TFDP2: variants seen among roughly 807,000 people sequenced by gnomAD.
TFDP2 encodes transcription factor Dp-2, also known as transcription factor Dp-2 (E2F dimerization partner 2).
In TFDP2, 17 loss-of-function variants were observed where a neutral mutation model predicts 59.3. The ratio of observed to expected loss-of-function variants is 0.29; its 90% CI spans 0.20 to 0.43. The LOEUF is 0.43. Among genes scored for constraint, TFDP2 ranks in the 20% least tolerant of loss-of-function variants. The pLI, the probability that TFDP2 is intolerant of heterozygous loss-of-function variation, is 1.00. For synonymous variants in TFDP2, 180 were observed against 194.7 expected (o/e 0.92, Z 0.63); for missense variants, 391 against 528.8 (o/e 0.74, Z 2.56).
chr3:142,118,395 C>T (rs1162499133), intron 1 of TFDP2, among the ~76,000 whole-genome samples: 2 of 152,046 alleles, frequency 1.3e-5, no homozygotes, highest in African/African-American at 4.8e-5. Flanking sequence ...AAAAACAAAC[C>T]GTGAGGTTGA....
At chr3:142,058,671 A>C (rs1038297729) in intron 3 of TFDP2, among the ~76,000 whole-genome samples, 1 of 152,200 alleles carries the variant, frequency 6.6e-6, no homozygotes, top group Admixed American at 6.5e-5. Context: ...CAAATCGAAG[A>C]GAAACGTAAG....
chr3:142,115,871 T>C (rs1403358976), intron 1 of TFDP2, among the ~76,000 whole-genome samples: 1 of 152,162 alleles, frequency 6.6e-6, no homozygotes, highest in African/African-American at 2.4e-5. Flanking sequence ...CACAGAACTA[T>C]ACACAAAGAC....
Position 142,147,035 on chromosome 3 carries a change from A to G in TFDP2, c.-93+2148T>C, listed in dbSNP as rs1046097389. 6.0e-5 allele frequency among the ~76,000 whole-genome samples: 9 copies of G among 148,822 alleles called. No homozygotes were observed. The Admixed American group carries it at 6.1e-4, about 10-fold the overall frequency. On this transcript the variant is annotated intron_variant, in intron 1 of 12. Transcript: ENST00000489671. The stretch of plus-strand genomic sequence containing the variant: ...AGCCCAGGAGTTCCAGACAAGCCTG[A>G]GCAACATAGAGAAACCCTGTCTCAA...
Position 141,949,328 on chromosome 3 carries a change from T to G in TFDP2, c.*3185A>C, listed in dbSNP as rs1935647539. 1 of 152,216 alleles carries G rather than the reference T, an allele frequency of 6.6e-6. No individual in the cohort carries two copies. The highest frequency in any genetic ancestry group is 2.1e-4 in the South Asian group (1 of 4,838). 9.4% of individuals were successfully genotyped at this position (152,216 alleles called of 1,614,324 possible). A position where few individuals can be genotyped will look rare whatever the true frequency, so the allele number is the denominator to read the frequency against. ...ACTTGTGGCCATTGTCTGTAGTTTCTCGGGCGGTGGGTGTCGCTGAGGGGT... is the reference window on the plus strand; with the variant it reads ...ACTTGTGGCCATTGTCTGTAGTTTCGCGGGCGGTGGGTGTCGCTGAGGGGT... On this transcript the variant is annotated 3_prime_UTR_variant, in exon 13 of 13. Coordinates refer to ENST00000489671, the MANE Select transcript of TFDP2 (RefSeq NM_001178139.2).
rs942913081 is a variant in TFDP2, at chr3:142,101,813, C to A, written c.-64G>T. The A allele has an allele frequency of 5.1e-6, 5 of 979,336 alleles. No individual in the cohort carries two copies. The highest frequency in any genetic ancestry group is 5.6e-6 in the Non-Finnish European group (4 of 709,750). The allele number at this position is 979,336 out of a possible 1,614,324, so 60.7% of individuals were successfully genotyped here. The stretch of plus-strand genomic sequence containing the variant: ...AAAAAAATAAAAAGAAAAAAACCTT[C>A]GTCTTCAATAATTCTTTAAAAGAAC... On this transcript the variant is annotated 5_prime_UTR_variant, in exon 2 of 13. Coordinates refer to ENST00000489671, the MANE Select transcript of TFDP2 (RefSeq NM_001178139.2).
intron 9 of TFDP2, among the ~76,000 whole-genome samples, chr3:141,967,166 C>T (rs1249974850): frequency 2.6e-5 from 4 of 151,906 alleles, no homozygotes; most frequent in Middle Eastern, 3.4e-3. Context: ...CTGCCCACCT[C>T]GGCCTCCCCA....
At chr3:142,113,352 G>A (rs956298896) in intron 1 of TFDP2, among the ~76,000 whole-genome samples, 3 of 151,974 alleles carry the variant, frequency 2.0e-5, no homozygotes, top group Non-Finnish European at 2.9e-5. Flanking sequence ...TCCGCCTCCC[G>A]GGTTCAAGCG....
At chr3:142,011,817 A>T (rs1346837123) in intron 3 of TFDP2, among the ~76,000 whole-genome samples, 1 of 152,084 alleles carries the variant, frequency 6.6e-6, no homozygotes, top group East Asian at 1.9e-4. Context: ...TAGGATATTC[A>T]GTGAACAAGT....
At chr3:142,000,164 G>T in intron 4 of TFDP2, 1 of 645,262 alleles carries the variant, frequency 1.5e-6, no homozygotes, top group South Asian at 1.8e-5. Context: ...AACCACCTTA[G>T]ACTGGGTAAT....
chr3:142,056,239 A>G (rs2059739656), intron 3 of TFDP2, among the ~76,000 whole-genome samples: 1 of 150,906 alleles, frequency 6.6e-6, no homozygotes, highest in African/African-American at 2.4e-5. Flanking sequence ...GGCATGAGCC[A>G]CCATGCCTGG....
intron 3 of TFDP2, among the ~76,000 whole-genome samples, chr3:142,086,095 C>T (rs1343916588): frequency 6.6e-6 from 1 of 152,164 alleles, no homozygotes; most frequent in Admixed American, 6.5e-5. Flanking sequence ...TACTGCCTCT[C>T]TCTCTTCAGG....
chr3:142,011,610 AAAAAG>A (rs1944704443), intron 3 of TFDP2, among the ~76,000 whole-genome samples: 2 of 151,034 alleles, frequency 1.3e-5, no homozygotes, highest in Admixed American at 1.3e-4. Flanking sequence ...AAGAAAAAAA[AAAAAG>A]AAGTGAGGAA....
intron 4 of TFDP2, among the ~76,000 whole-genome samples, chr3:141,997,543 C>T (rs1943379210): frequency 6.6e-6 from 1 of 151,528 alleles, no homozygotes; most frequent in Non-Finnish European, 1.5e-5. Context: ...TGCTGATTTA[C>T]AGGACTTTGT....
intron 4 of TFDP2, among the ~76,000 whole-genome samples, chr3:142,003,204 T>C (rs902289782): frequency 2.6e-5 from 4 of 152,184 alleles, no homozygotes; most frequent in African/African-American, 9.6e-5. Context: ...TTTCACTGTG[T>C]TAGCCAGGAT....
At chr3:141,995,350 G>T in intron 4 of TFDP2, 1 of 392,500 alleles carries the variant, frequency 2.5e-6, no homozygotes. Flanking sequence ...CTGACATGAG[G>T]TCACAATGCA....
intron 3 of TFDP2, among the ~76,000 whole-genome samples, chr3:142,064,681 T>C (rs2060019336): frequency 6.6e-6 from 1 of 152,134 alleles, no homozygotes. Flanking sequence ...CTAAAGGATG[T>C]AAAGAATACA....
intron 8 of TFDP2, among the ~76,000 whole-genome samples, chr3:141,972,264 TAC>T (rs937968971): frequency 6.6e-6 from 1 of 152,210 alleles, no homozygotes; most frequent in Non-Finnish European, 1.5e-5. Context: ...GCACTGATTG[TAC>T]CTCTAAAACA....
At chr3:142,065,629 A>C (rs912278851) in intron 3 of TFDP2, among the ~76,000 whole-genome samples, 4 of 151,758 alleles carry the variant, frequency 2.6e-5, no homozygotes, top group African/African-American at 9.7e-5. Flanking sequence ...CTCCCACCTC[A>C]GCCTCCTGAG....
chr3:141,956,948 C>A (rs924914555), intron 11 of TFDP2, among the ~76,000 whole-genome samples: 2 of 150,828 alleles, frequency 1.3e-5, no homozygotes, highest in East Asian at 2.0e-4. Context: ...CCACCCCCCC[C>A]ACAAAAATCA....
Sources: allele counts gnomAD v4.1 joint callset (sites outside exome capture counted in the v4.1 genomes callset), GRCh38; gene constraint gnomAD v4.1.1; transcripts MANE v1.5; gene names NCBI Gene and HGNC (gene_info 2026-07-23, HGNC 2026-07-21).